Variants in MYH10 observed in about 807,000 individuals in gnomAD.
MYH10 encodes myosin heavy chain 10.
A neutral mutation model predicts 257.8 loss-of-function variants in MYH10; 55 were observed. The observed-to-expected ratio is 0.21, with a 90% confidence interval of 0.17 to 0.27. The LOEUF (loss-of-function observed/expected upper bound fraction) is 0.27. Among genes scored for constraint, MYH10 ranks in the 10% least tolerant of loss-of-function variants. The probability of loss-of-function intolerance (pLI) is 1.00; values close to 1 mark genes in which losing one functional copy is unlikely to be tolerated. For synonymous variants in MYH10, 854 were observed against 921.7 expected (o/e 0.93, Z 1.33); for missense variants, 1,631 against 2,500.6 (o/e 0.65, Z 7.42).
Position 8,614,074 on chromosome 17 carries a change from AAAGG to A in MYH10, c.345+8824_345+8827del, listed in dbSNP as rs1453452831. Reference sequence around the variant, plus strand: ...ACACAGCAAAAATGGACAGAACTAAAAAGGAAGGGATTTTCACAGTAACTGAAAC... The same window carrying A: ...ACACAGCAAAAATGGACAGAACTAAAAAGGGATTTTCACAGTAACTGAAAC... On this transcript the variant is annotated intron_variant, in intron 2 of 42. Transcript: ENST00000360416. Among the ~76,000 whole-genome samples, 11 of 152,284 alleles carry A rather than the reference AAAGG, an allele frequency of 7.2e-5. No homozygotes were observed. The East Asian group carries it at 7.7e-4, about 11-fold the overall frequency.
chr17:8,592,816 G>GAAAAAAAAAAAAAAAAA (rs67151329), intron 3 of MYH10, among the ~76,000 whole-genome samples: 4 of 30,418 alleles, frequency 1.3e-4, no homozygotes, highest in Admixed American at 6.2e-4. Context: ...AATGAAATCA[G>GAAAAAAAAAAAAAAAAA]AAAAAAAAAA....
chr17:8,501,172 CTA>C (rs1917450838), intron 28 of MYH10, among the ~76,000 whole-genome samples: 1 of 152,086 alleles, frequency 6.6e-6, no homozygotes, highest in Non-Finnish European at 1.5e-5. Context: ...TGGTTCATGC[CTA>C]TAACCCCGGC....
chr17:8,483,215 C>A (rs1224288361), intron 37 of MYH10, among the ~76,000 whole-genome samples: 2 of 152,036 alleles, frequency 1.3e-5, no homozygotes, highest in South Asian at 4.1e-4. Context: ...TGATGAAAAC[C>A]GATCTTAGAG....
rs1220282190 is a variant in MYH10 at position 8,560,572 on chromosome 17, G to T, written c.757-6554C>A. 6 of 822,350 alleles carry T rather than the reference G, an allele frequency of 7.3e-6. No individual in the cohort carries two copies. The African/African-American group carries it at 1.0e-4, about 14-fold the overall frequency. 50.9% of individuals were successfully genotyped at this position (822,350 alleles called of 1,614,324 possible). A position where few individuals can be genotyped will look rare whatever the true frequency, so the allele number is the denominator to read the frequency against. ...TGCCGACAAAGTTCCAAAAACAGTG[G>T]AAAACTTTCGTGCACTGAGCACTGG... is the stretch of plus-strand genomic sequence containing the variant. On this transcript the variant is annotated intron_variant, in intron 7 of 42. Transcript: ENST00000360416.
chr17:8,577,738 G>A (rs1325791477), intron 4 of MYH10, among the ~76,000 whole-genome samples: 1 of 152,136 alleles, frequency 6.6e-6, no homozygotes, highest in Non-Finnish European at 1.5e-5. Flanking sequence ...CACCATGTTG[G>A]CCAGGCTGGT....
Position 8,535,582 on chromosome 17 carries a change from C to T in MYH10, c.1780-81G>A. ...AAACAAAAACACTTTAAGCCTCAACCAGAAACTTTTATACAACAGTCCCCA... is the reference window on the plus strand; with the variant it reads ...AAACAAAAACACTTTAAGCCTCAACTAGAAACTTTTATACAACAGTCCCCA... On this transcript the variant is annotated intron_variant, in intron 15 of 42. Coordinates refer to ENST00000360416, the MANE Select transcript of MYH10 (RefSeq NM_001256012.3). This position sits in a 1 kb window ranked among gnomAD's most constrained non-coding sequence, Gnocchi z 4.3. 3 of 1,363,762 alleles carry T rather than the reference C, an allele frequency of 2.2e-6. No homozygotes were observed. The highest frequency in any genetic ancestry group is 3.1e-6 in the Non-Finnish European group (3 of 980,982). 84.5% of individuals were successfully genotyped at this position (1,363,762 alleles called of 1,614,324 possible).
At chr17:8,488,602 C>T (rs982385727) in intron 35 of MYH10, among the ~76,000 whole-genome samples, 13 of 152,220 alleles carry the variant, frequency 8.5e-5, no homozygotes, top group South Asian at 4.1e-4. Context: ...CACAACCTTC[C>T]GCTTCCTGCA....
chr17:8,531,596 G>A (rs1211639623), intron 16 of MYH10, among the ~76,000 whole-genome samples: 1 of 138,430 alleles, frequency 7.2e-6, no homozygotes, highest in African/African-American at 2.7e-5. Context: ...TCGCTGTGTT[G>A]CCCAGGCTGG....
chr17:8,613,917 T>C (rs2085142735), intron 2 of MYH10, among the ~76,000 whole-genome samples: 1 of 151,396 alleles, frequency 6.6e-6, no homozygotes, highest in Non-Finnish European at 1.5e-5. Flanking sequence ...CTAATGCAAA[T>C]ATCAGACTTT....
intron 6 of MYH10, among the ~76,000 whole-genome samples, chr17:8,575,542 C>A (rs576782349): frequency 1.3e-5 from 2 of 152,146 alleles, no homozygotes; most frequent in African/African-American, 4.8e-5. Flanking sequence ...ACATCATAGG[C>A]CTTCATAGGT....
At chr17:8,517,378 A>G (rs1440636911) in intron 21 of MYH10, among the ~76,000 whole-genome samples, 3 of 152,174 alleles carry the variant, frequency 2.0e-5, no homozygotes, top group African/African-American at 7.2e-5. Flanking sequence ...TCCAACCCAC[A>G]TGTAGAGTAC....
At position 8,623,124 on chromosome 17, in the gene MYH10, T is replaced by C. The variant is rs1422681419; in HGVS notation, c.123A>G (p.Glu41=). The change falls in exon 2 of 43, where the codon GAA becomes GAG. Residue 41 remains glutamate (E), a synonymous_variant. Coordinates refer to ENST00000360416, the MANE Select transcript of MYH10 (RefSeq NM_001256012.3). ...TACTAGCTGCCTCAAAACCATGGCGTTCTGATGGAATCCACACTAGCTTTT... is the reference window on the plus strand; with the variant it reads ...TACTAGCTGCCTCAAAACCATGGCGCTCTGATGGAATCCACACTAGCTTTT... ...TAKKLVWIPS[E]RHGFEAASIK... The C allele has an allele frequency of 6.2e-7, 1 of 1,614,094 alleles. No individual in the cohort carries two copies. The highest frequency in any genetic ancestry group is 2.2e-5 in the East Asian group (1 of 44,876).
At chr17:8,587,257 A>G (rs2083944661) in intron 4 of MYH10, among the ~76,000 whole-genome samples, 2 of 152,156 alleles carry the variant, frequency 1.3e-5, no homozygotes, top group South Asian at 4.1e-4. Flanking sequence ...GCTGAGCCCA[A>G]TCCAACTGCT....
chr17:8,603,021 G>A (rs1264863559), intron 3 of MYH10, among the ~76,000 whole-genome samples: 1 of 152,160 alleles, frequency 6.6e-6, no homozygotes, highest in Non-Finnish European at 1.5e-5. Context: ...GTTTTCACCA[G>A]CAAAGCCACA....
chr17:8,504,838 G>C lies in MYH10; in HGVS notation c.3455C>G (p.Ala1152Gly). Reference protein sequence around the residue: ...KVVRELQAQIAELQEDFESEK... With the variant: ...KVVRELQAQIGELQEDFESEK... ...GGATTCAAAGTCTTCCTGAAGTTCAGCAATTTGGGCTTGTAGCTCTCGCAC... is the reference window on the plus strand; with the variant it reads ...GGATTCAAAGTCTTCCTGAAGTTCACCAATTTGGGCTTGTAGCTCTCGCAC... The change falls in exon 28 of 43, where the codon GCT becomes GGT. Residue 1152 changes from alanine (A) to glycine (G), a missense_variant. Around this residue, in one of 11 missense-constraint regions of MYH10, gnomAD observed 169 missense variants for 249.8 expected, o/e 0.68. Transcript: ENST00000360416. The surrounding 1 kb of genome is among the most constrained non-coding windows in gnomAD (Gnocchi z 5.6). The C allele has an allele frequency of 6.2e-7, 1 of 1,614,204 alleles. No individual in the cohort carries two copies. Among genetic ancestry groups the C allele is most frequent in the South Asian group, 1.1e-5 (1 of 91,084 alleles).
intron 4 of MYH10, among the ~76,000 whole-genome samples, chr17:8,578,866 AC>A (rs1342528526): frequency 1.3e-5 from 2 of 152,198 alleles, no homozygotes; most frequent in East Asian, 1.9e-4. Flanking sequence ...TTTAAAAAAA[AC>A]ACCCCAAACT....
At chr17:8,586,221 G>C (rs2083910982) in intron 4 of MYH10, among the ~76,000 whole-genome samples, 1 of 152,188 alleles carries the variant, frequency 6.6e-6, no homozygotes, top group South Asian at 2.1e-4. Context: ...TTGTCAGGGA[G>C]AGGATATATG....
At chr17:8,549,404 C>T (rs1363530861) in intron 9 of MYH10, among the ~76,000 whole-genome samples, 3 of 152,198 alleles carry the variant, frequency 2.0e-5, no homozygotes, top group Non-Finnish European at 4.4e-5. Flanking sequence ...GACTACTGTA[C>T]CGTAGGAGAC....
In MYH10 at chr17:8,480,487, C is replaced by T. The variant is rs765309529; in HGVS notation, c.5303G>A (p.Arg1768Gln). The part of the protein sequence containing the change: ...LLDEKRRLEA[R>Q]IAQLEEELEE... ...CAGCTCCTCCTCCAGCTGTGCGATC[C>T]GAGCTTCCAGACGCCGCTTCTCATC... Residue 1768 changes from arginine to glutamine, a missense_variant, in exon 39 of 43, where the codon CGG (arginine) becomes CAG (glutamine). By Grantham distance (43) the Arg-to-Gln change is conservative (BLOSUM62 1). Around this residue, in one of 11 missense-constraint regions of MYH10, gnomAD observed 343 missense variants for 389.5 expected, o/e 0.88. Coordinates refer to ENST00000360416, the MANE Select transcript of MYH10 (RefSeq NM_001256012.3). 47 of 1,611,492 alleles carry T rather than the reference C, an allele frequency of 2.9e-5. No individual in the cohort carries two copies. The Middle Eastern group carries it at 5.0e-4, about 17-fold the overall frequency.
Sources: allele counts gnomAD v4.1 joint callset (sites outside exome capture counted in the v4.1 genomes callset), GRCh38; gene constraint gnomAD v4.1.1; regional missense constraint gnomAD v4.1.1; non-coding constraint Gnocchi (gnomAD v3.1); transcripts MANE v1.5; gene names NCBI Gene and HGNC (gene_info 2026-07-23, HGNC 2026-07-21).